The following EVI5L variants were observed in gnomAD, a reference collection of about 807,000 sequenced individuals.
EVI5L encodes the protein ecotropic viral integration site 5 like.
Under a neutral mutation model 106.1 loss-of-function variants are expected in EVI5L, and 30 were observed. The ratio of observed to expected loss-of-function variants is 0.28; its 90% confidence interval spans 0.21 to 0.38. The LOEUF (loss-of-function observed/expected upper bound fraction) is 0.38, where lower values mean the gene tolerates loss of function less well. Among genes scored for constraint, EVI5L ranks in the 10% least tolerant of loss-of-function variants. The probability of loss-of-function intolerance (pLI) is 1.00; values close to 1 mark genes in which losing one functional copy is unlikely to be tolerated. For synonymous variants in EVI5L, 489 were observed against 483.3 expected (o/e 1.01, Z -0.15); for missense variants, 809 against 1,098.0 (o/e 0.74, Z 3.72).
Position 7,847,760 on chromosome 19 carries a change from C to A in EVI5L, c.166C>A (p.Arg56Ser). ...RLLEADSKSM[R>S]SMNGSRRNSG... is the part of the protein sequence containing the mutation. ...CCTGGAGGCCGACTCCAAGTCCATG[C>A]GCTCCATGAATGGCTCGCGGCGGAA... is the stretch of plus-strand genomic sequence containing the variant. The change falls in exon 3 of 20, where the codon CGC (arginine) becomes AGC (serine). Residue 56 changes from arginine (R) to serine (S), a missense_variant. Coordinates refer to ENST00000538904, the MANE Select transcript of EVI5L (RefSeq NM_001159944.3). The A allele has an allele frequency of 6.2e-7, 1 of 1,613,432 alleles. No individual in the cohort carries two copies. The highest frequency in any genetic ancestry group is 8.5e-7 in the Non-Finnish European group (1 of 1,179,808).
intron 1 of EVI5L, among the ~76,000 whole-genome samples, chr19:7,833,161 AG>A (rs1978301477): frequency 6.6e-6 from 1 of 152,118 alleles, no homozygotes; most frequent in African/African-American, 2.4e-5. Context: ...TTGAGCTTTG[AG>A]GGGGCAGACG....
intron 15 of EVI5L, 42 bp from the exon 16 acceptor site, chr19:7,862,080 T>C (rs1310253465): frequency 7.8e-6 from 12 of 1,547,004 alleles, no homozygotes; most frequent in Non-Finnish European, 8.7e-6. Flanking sequence ...TCGGGGTTCT[T>C]GGGCGGAGGC....
Position 7,863,089 on chromosome 19 carries a change from GGGGGGC to G in EVI5L, c.2043+35_2043+40del, listed in dbSNP as rs1237418628. The G allele has an allele frequency of 5.4e-6, 5 of 933,532 alleles. No homozygotes were observed. The highest frequency in any genetic ancestry group is 8.3e-6 in the Non-Finnish European group (5 of 602,354). 57.8% of individuals were successfully genotyped at this position (933,532 alleles called of 1,614,324 possible). A position where few individuals can be genotyped will look rare whatever the true frequency, so the allele number is the denominator to read the frequency against. ...CCAGGTGATCGGCGGGGCCGGGGTC[GGGGGGC>G]GGGGGCGGGGGCAGGGCCCGGGGCA... On this transcript the variant is annotated intron_variant, in intron 18 of 19. Transcript: ENST00000538904. The surrounding 1 kb of genome is among the most constrained non-coding windows in gnomAD (Gnocchi z 7.7).
At position 7,863,716 on chromosome 19, in the gene EVI5L, G is replaced by A; in HGVS notation, c.*14G>A. ...CTGGACAACTGAGGCCATGCCCAGC[G>A]CGCCCGGAGTCAGGAGGCCGCAGCC... On this transcript the variant is annotated 3_prime_UTR_variant, in exon 20 of 20. Coordinates refer to ENST00000538904, the MANE Select transcript of EVI5L (RefSeq NM_001159944.3). This position sits in a 1 kb window ranked among gnomAD's most constrained non-coding sequence, Gnocchi z 7.7. The A allele has an allele frequency of 6.9e-7, 1 of 1,447,802 alleles. No homozygotes were observed. Among genetic ancestry groups the A allele is most frequent in the East Asian group, 2.6e-5 (1 of 37,822 alleles). The allele number at this position is 1,447,802 out of a possible 1,614,324, so 89.7% of individuals were successfully genotyped here.
chr19:7,836,659 C>T (rs1360154039), intron 1 of EVI5L, among the ~76,000 whole-genome samples: 2 of 150,884 alleles, frequency 1.3e-5, no homozygotes, highest in African/African-American at 2.4e-5. Flanking sequence ...TTTTTTTAGA[C>T]GGAGTCTCTC....
chr19:7,856,823 C>G lies in EVI5L; in HGVS notation c.1201-269C>G, dbSNP rs548592325. Among the ~76,000 whole-genome samples, 11 of 152,268 alleles carry G rather than the reference C, an allele frequency of 7.2e-5. No homozygotes were observed. Among genetic ancestry groups the G allele is most frequent in the African/African-American group, 2.6e-4 (11 of 41,552 alleles). On this transcript the variant is annotated intron_variant, in intron 11 of 19. Transcript: ENST00000538904. The surrounding 1 kb of genome is among the most constrained non-coding windows in gnomAD (Gnocchi z 6.6). ...CCCTGGAGGGTGGGACAGTGGGTTT[C>G]CCAGCCCTGCGGCCTCCCCCACAGC...
At position 7,850,249 on chromosome 19, in the gene EVI5L, T is replaced by A; in HGVS notation, c.753+127T>A. On this transcript the variant is annotated intron_variant, in intron 6 of 19. Coordinates refer to ENST00000538904, the MANE Select transcript of EVI5L (RefSeq NM_001159944.3). The surrounding 1 kb of genome is among the most constrained non-coding windows in gnomAD (Gnocchi z 5.4). ...GACCATACCCGGGCACCTCTTGGAC[T>A]GAAAATTCCAAGCCTGTGAAATCAC... 1.5e-6 allele frequency: 2 copies of A among 1,363,104 alleles called. No homozygotes were observed. Among genetic ancestry groups the A allele is most frequent in the Non-Finnish European group, 1.9e-6 (2 of 1,025,802 alleles). 84.4% of individuals were successfully genotyped at this position (1,363,104 alleles called of 1,614,324 possible). A position where few individuals can be genotyped will look rare whatever the true frequency, so the allele number is the denominator to read the frequency against.
At chr19:7,841,570 C>T (rs1033677952) in intron 1 of EVI5L, among the ~76,000 whole-genome samples, 1 of 152,202 alleles carries the variant, frequency 6.6e-6, no homozygotes, top group Non-Finnish European at 1.5e-5. Flanking sequence ...TGGCCTGGCT[C>T]AGCTTCCTAA....
In EVI5L at chr19:7,856,977, A is replaced by C; in HGVS notation, c.1201-115A>C. 1.5e-3 allele frequency: 1,463 copies of C among 988,686 alleles called. No homozygotes were observed. The highest frequency in any genetic ancestry group is 2.0e-3 in the Non-Finnish European group (1,278 of 639,774). 61.2% of individuals were successfully genotyped at this position (988,686 alleles called of 1,614,324 possible). On this transcript the variant is annotated intron_variant, in intron 11 of 19. Coordinates refer to ENST00000538904, the MANE Select transcript of EVI5L (RefSeq NM_001159944.3). The surrounding 1 kb of genome is among the most constrained non-coding windows in gnomAD (Gnocchi z 6.6). ...CTTCCCTCCTCTCTCCCCCGCTTCT[A>C]GAGATAGTCCACTGCGTTAGTGACA...
At chr19:7,854,927 A>G (rs138363226) in intron 10 of EVI5L, among the ~76,000 whole-genome samples, 1 of 152,218 alleles carries the variant, frequency 6.6e-6, no homozygotes, top group African/African-American at 2.4e-5. Flanking sequence ...CCCCAGAAGA[A>G]ACCCAGGAAA....
chr19:7,862,347 G>A (rs1280338732), intron 16 of EVI5L, 41 bp from the exon 17 acceptor site: 18 of 1,580,730 alleles, frequency 1.1e-5, no homozygotes, highest in Non-Finnish European at 1.5e-5. Context: ...GTTAGGCCCT[G>A]ACCGCCGCCG....
chr19:7,846,394 C>A, intron 1 of EVI5L, 102 bp from the exon 2 acceptor site: 1 of 1,114,398 alleles, frequency 9.0e-7, no homozygotes, highest in Non-Finnish European at 1.3e-6. Context: ...CGGGGGTGGA[C>A]CAGAGGCAGG....
chr19:7,836,103 G>A lies in EVI5L; in HGVS notation c.-48+5722G>A, dbSNP rs1735749102. Among the ~76,000 whole-genome samples the A allele has an allele frequency of 2.6e-5, 4 of 152,164 alleles. No individual in the cohort carries two copies. In the South Asian group the frequency reaches 6.2e-4, roughly 24 times the overall value. ...AATACAAAAATTAGCCAGATATGGT[G>A]GCACGCACCTGTAATCCCAGCTACT... On this transcript the variant is annotated intron_variant, in intron 1 of 19. Coordinates refer to ENST00000538904, the MANE Select transcript of EVI5L (RefSeq NM_001159944.3).
chr19:7,845,883 C>T lies in EVI5L; in HGVS notation c.-47-613C>T, dbSNP rs1005309056. Among the ~76,000 whole-genome samples, 2 of 152,224 alleles carry T rather than the reference C, an allele frequency of 1.3e-5. No individual in the cohort carries two copies. Among genetic ancestry groups the T allele is most frequent in the Non-Finnish European group, 2.9e-5 (2 of 68,030 alleles). On this transcript the variant is annotated intron_variant, in intron 1 of 19. Coordinates refer to ENST00000538904, the MANE Select transcript of EVI5L (RefSeq NM_001159944.3). This position sits in a 1 kb window ranked among gnomAD's most constrained non-coding sequence, Gnocchi z 4.0. ...CTGTGTCTGCCAGGGCACAGATTCCCAGCACTCTGCCACGTCCCTGGCTTC... is the reference window on the plus strand; with the variant it reads ...CTGTGTCTGCCAGGGCACAGATTCCTAGCACTCTGCCACGTCCCTGGCTTC...
At chr19:7,847,594 A>AG (rs1491170926) in intron 2 of EVI5L, 138 bp from the exon 3 acceptor site, 2 of 605,918 alleles carry the variant, frequency 3.3e-6, no homozygotes, top group East Asian at 3.6e-5. Flanking sequence ...TCAAAGAAGA[A>AG]GAAAAAAAAA....
At position 7,858,164 on chromosome 19, in the gene EVI5L, C is replaced by T; in HGVS notation, c.1234-27C>T. 6.5e-7 allele frequency: 1 copy of T among 1,547,968 alleles called. No homozygotes were observed. The highest frequency in any genetic ancestry group is 1.2e-5 in the South Asian group (1 of 83,710). On this transcript the variant is annotated intron_variant, in intron 12 of 19. Coordinates refer to ENST00000538904, the MANE Select transcript of EVI5L (RefSeq NM_001159944.3). The surrounding 1 kb of genome is among the most constrained non-coding windows in gnomAD (Gnocchi z 5.7). ...TGGGAGCCGAGGGTCACGGCCTCCC[C>T]CTGCCCCCTGTCCTCGCTGTTCTCA...
At chr19:7,854,136 G>C (rs2146431918) in intron 10 of EVI5L, among the ~76,000 whole-genome samples, 1 of 151,914 alleles carries the variant, frequency 6.6e-6, no homozygotes, top group Middle Eastern at 3.4e-3. Flanking sequence ...ACAAAAATTA[G>C]CTGGGTGTGG....
At position 7,858,801 on chromosome 19, in the gene EVI5L, C is replaced by G. The variant is rs917938720; in HGVS notation, c.1374+470C>G. On this transcript the variant is annotated intron_variant, in intron 13 of 19. Coordinates refer to ENST00000538904, the MANE Select transcript of EVI5L (RefSeq NM_001159944.3). The surrounding 1 kb of genome is among the most constrained non-coding windows in gnomAD (Gnocchi z 5.7). ...CCAGCAGGGTGGGGCTGAGGGGGCA[C>G]CTTGAGTGTCTTGAGGGCCATGAAC... 4 of 157,616 alleles carry G rather than the reference C, an allele frequency of 2.5e-5. No homozygotes were observed. The highest frequency in any genetic ancestry group is 5.6e-5 in the Non-Finnish European group (4 of 71,762). 9.8% of individuals were successfully genotyped at this position (157,616 alleles called of 1,614,324 possible).
At chr19:7,855,867 C>A in intron 10 of EVI5L, 148 bp from the exon 11 acceptor site, 1 of 573,320 alleles carries the variant, frequency 1.7e-6, no homozygotes, top group Non-Finnish European at 2.7e-6. Context: ...TCTGAAATCG[C>A]TGACCCAGAA....
Sources: gnomAD v4.1 joint callset for allele counts (sites outside exome capture counted in the v4.1 genomes callset) on GRCh38, gnomAD v4.1.1 for gene constraint, Gnocchi (gnomAD v3.1) non-coding constraint, MANE v1.5 for transcripts, NCBI Gene and HGNC (gene_info 2026-07-23, HGNC 2026-07-21) for gene names.